Variants in CTNNA3 observed in about 807,000 individuals in gnomAD.
CTNNA3 encodes catenin alpha-3.
In CTNNA3, 76 loss-of-function variants were observed where a neutral mutation model predicts 95.7. The observed-to-expected ratio is 0.79, with a 90% CI of 0.66 to 0.96. The LOEUF is 0.96. Among genes scored for constraint, CTNNA3 ranks in the 40% least tolerant of loss-of-function variants. The pLI is 0.00. For synonymous variants in CTNNA3, 431 were observed against 374.4 expected (o/e 1.15, Z -1.74); for missense variants, 1,191 against 1,089.8 (o/e 1.09, Z -1.31).
At chr10:66,929,903 A>T (rs539557126) in intron 7 of CTNNA3, among the ~76,000 whole-genome samples, 1 of 152,330 alleles carries the variant, frequency 6.6e-6, no homozygotes, top group East Asian at 1.9e-4. Flanking sequence ...CAAAATGAAC[A>T]GTTCTATTAT....
intron 15 of CTNNA3, among the ~76,000 whole-genome samples, chr10:66,022,632 CAT>C (rs1279237674): frequency 2.0e-5 from 3 of 146,546 alleles, no homozygotes; most frequent in Admixed American, 6.8e-5. Flanking sequence ...CACACACACA[CAT>C]ACACACACAC....
At chr10:67,024,479 T>C (rs906583083) in intron 7 of CTNNA3, among the ~76,000 whole-genome samples, 5 of 152,186 alleles carry the variant, frequency 3.3e-5, no homozygotes, top group African/African-American at 1.2e-4. Context: ...CAGGTTCTGG[T>C]GATTAGGAAG....
intron 7 of CTNNA3, among the ~76,000 whole-genome samples, chr10:66,934,101 G>C (rs1440421244): frequency 6.6e-6 from 1 of 151,928 alleles, no homozygotes; most frequent in Non-Finnish European, 1.5e-5. Context: ...CATGATATAA[G>C]ACCAAGCAAG....
At position 66,403,916 on chromosome 10, in the gene CTNNA3, C is replaced by T. The variant is rs1030985767; in HGVS notation, c.1532-24564G>A. Among the ~76,000 whole-genome samples, 8 of 152,146 alleles carry T rather than the reference C, an allele frequency of 5.3e-5. No individual in the cohort carries two copies. In the South Asian group the frequency reaches 1.7e-3, roughly 32 times the overall value. ...TAATATTCCTTCCCTAAAACTAACT[C>T]CTCCTTGTTTGGAGACTGAAACTGT... On this transcript the variant is annotated intron_variant, in intron 11 of 17. Transcript: ENST00000433211.
At chr10:66,556,181 A>G (rs191512225) in intron 10 of CTNNA3, among the ~76,000 whole-genome samples, 1 of 152,070 alleles carries the variant, frequency 6.6e-6, no homozygotes, top group East Asian at 1.9e-4. Flanking sequence ...CACACCTGTA[A>G]GGATGAATAT....
intron 11 of CTNNA3, among the ~76,000 whole-genome samples, chr10:66,410,841 G>A (rs989919705): frequency 1.3e-5 from 2 of 152,132 alleles, no homozygotes; most frequent in African/African-American, 4.8e-5. Flanking sequence ...TCATCCTGGT[G>A]TTGGTCATAA....
intron 5 of CTNNA3, among the ~76,000 whole-genome samples, chr10:67,414,847 G>C (rs1845488814): frequency 6.6e-6 from 1 of 152,136 alleles, no homozygotes; most frequent in African/African-American, 2.4e-5. Context: ...AATCATATTT[G>C]CGTTTGTTGC....
intron 13 of CTNNA3, among the ~76,000 whole-genome samples, chr10:66,117,307 C>A (rs2082382858): frequency 6.6e-6 from 1 of 152,030 alleles, no homozygotes; most frequent in Admixed American, 6.6e-5. Flanking sequence ...TATATGAACT[C>A]TTATTACATA....
At chr10:67,625,321 C>G (rs1023238847) in intron 2 of CTNNA3, among the ~76,000 whole-genome samples, 1 of 152,176 alleles carries the variant, frequency 6.6e-6, no homozygotes. Flanking sequence ...CCTCCCTCCT[C>G]AATACTGGAG....
intron 10 of CTNNA3, among the ~76,000 whole-genome samples, chr10:66,602,042 A>G (rs1843946157): frequency 6.6e-6 from 1 of 152,036 alleles, no homozygotes; most frequent in African/African-American, 2.4e-5. Context: ...TTTCAGTTAT[A>G]GAACTACAAT....
intron 7 of CTNNA3, among the ~76,000 whole-genome samples, chr10:66,871,841 T>G (rs12781257): frequency 0.29 from 44,312 of 152,072 alleles, 8,361 homozygotes; most frequent in African/African-American, 0.54. Flanking sequence ...TTGACTATGC[T>G]ACTATCTCAT....
intron 1 of CTNNA3, among the ~76,000 whole-genome samples, chr10:67,713,749 C>T (rs1243545742): frequency 6.6e-6 from 1 of 151,998 alleles, no homozygotes; most frequent in Non-Finnish European, 1.5e-5. Flanking sequence ...AATAGATGGA[C>T]ATAGGGAAGG....
intron 5 of CTNNA3, among the ~76,000 whole-genome samples, chr10:67,365,832 C>T (rs988402753): frequency 6.6e-6 from 1 of 152,048 alleles, no homozygotes; most frequent in East Asian, 1.9e-4. Context: ...TCCTCAAGGA[C>T]CTAGAACTAG....
chr10:66,593,688 C>A (rs1355171515), intron 10 of CTNNA3, among the ~76,000 whole-genome samples: 1 of 152,062 alleles, frequency 6.6e-6, no homozygotes, highest in Non-Finnish European at 1.5e-5. Flanking sequence ...TGACCAAAAT[C>A]CAAAAAAGCA....
At chr10:67,477,896 C>T (rs1488130617) in intron 5 of CTNNA3, among the ~76,000 whole-genome samples, 4 of 152,048 alleles carry the variant, frequency 2.6e-5, no homozygotes, top group Non-Finnish European at 5.9e-5. Flanking sequence ...CAAATAAGCT[C>T]AATGAGATGG....
At chr10:66,029,322 G>A (rs1564589164) in intron 15 of CTNNA3, among the ~76,000 whole-genome samples, 2 of 152,018 alleles carry the variant, frequency 1.3e-5, no homozygotes, top group Non-Finnish European at 2.9e-5. Context: ...GTCCTCACTG[G>A]ATCTGTCCCC....
intron 5 of CTNNA3, among the ~76,000 whole-genome samples, chr10:67,237,823 T>C (rs1336173824): frequency 1.3e-5 from 2 of 152,174 alleles, no homozygotes; most frequent in Admixed American, 6.5e-5. Context: ...AAGATTGCTC[T>C]GGCAATGGGT....
intron 12 of CTNNA3, among the ~76,000 whole-genome samples, chr10:66,335,169 G>T (rs2092380270): frequency 6.6e-6 from 1 of 151,912 alleles, no homozygotes; most frequent in Admixed American, 6.6e-5. Flanking sequence ...TTTGCTATGG[G>T]TTCGAACTTC....
chr10:66,664,889 T>TAAAAAAAAAA (rs56801434), intron 9 of CTNNA3, among the ~76,000 whole-genome samples: 2 of 134,532 alleles, frequency 1.5e-5, no homozygotes, highest in Non-Finnish European at 3.2e-5. Flanking sequence ...CTGAAAAAAT[T>TAAAAAAAAAA]AAAAAAAAAA....
Sources: gnomAD v4.1 joint callset for allele counts (sites outside exome capture counted in the v4.1 genomes callset) on GRCh38, gnomAD v4.1.1 for gene constraint, MANE v1.5 for transcripts, NCBI Gene and HGNC (gene_info 2026-07-23, HGNC 2026-07-21) for gene names.